AGBL1: variants seen among roughly 807,000 people sequenced by gnomAD.
The protein encoded by AGBL1 is cytosolic carboxypeptidase 4.
In AGBL1, 130 loss-of-function variants were observed where a neutral mutation model predicts 118.9. The observed-to-expected ratio is 1.09, with a 90% CI of 0.95 to 1.26. The LOEUF (loss-of-function observed/expected upper bound fraction) is 1.26, where lower values mean the gene tolerates loss of function less well. Ranked by LOEUF, AGBL1 falls within the 50% of genes most tolerant of loss-of-function variation. AGBL1 has a pLI of 0.00. For synonymous variants in AGBL1, 555 were observed against 478.9 expected (o/e 1.16, Z -2.08); for missense variants, 1,584 against 1,298.1 (o/e 1.22, Z -3.38).
At chr15:86,298,399 T>C (rs1877487638) in intron 17 of AGBL1, among the ~76,000 whole-genome samples, 2 of 147,616 alleles carry the variant, frequency 1.4e-5, no homozygotes, top group African/African-American at 5.0e-5. Context: ...TATGAATATA[T>C]AAACACATGC....
At chr15:86,196,750 T>G (rs2077809625) in intron 5 of AGBL1, among the ~76,000 whole-genome samples, 2 of 152,076 alleles carry the variant, frequency 1.3e-5, no homozygotes, top group South Asian at 4.1e-4. Flanking sequence ...AGGAGTAAAG[T>G]TAAGTGAGGT....
At chr15:86,790,372 G>T (rs931572620) in intron 22 of AGBL1, among the ~76,000 whole-genome samples, 21 of 150,454 alleles carry the variant, frequency 1.4e-4, no homozygotes, top group African/African-American at 5.1e-4. Context: ...ACACACGCAT[G>T]CACGCACGCA....
At chr15:86,958,991 A>G (rs1225247643) in intron 23 of AGBL1, among the ~76,000 whole-genome samples, 2 of 152,150 alleles carry the variant, frequency 1.3e-5, no homozygotes, top group East Asian at 3.9e-4. Context: ...AGAAACAATA[A>G]TATATACTGT....
At chr15:86,480,657 A>G (rs887407768) in intron 18 of AGBL1, among the ~76,000 whole-genome samples, 2 of 152,066 alleles carry the variant, frequency 1.3e-5, no homozygotes, top group Admixed American at 6.6e-5. Context: ...GAATAAATAT[A>G]TATACATATG....
intron 5 of AGBL1, among the ~76,000 whole-genome samples, chr15:86,167,658 G>A (rs571441048): frequency 1.3e-5 from 2 of 152,334 alleles, no homozygotes; most frequent in Non-Finnish European, 2.9e-5. Context: ...GTTTTCCTGT[G>A]GGGTTGTGAG....
At chr15:86,100,158 A>T (rs953760170) in intron 1 of AGBL1, among the ~76,000 whole-genome samples, 2 of 152,108 alleles carry the variant, frequency 1.3e-5, no homozygotes, top group Non-Finnish European at 2.9e-5. Context: ...GTGTATGTTG[A>T]ACCATTCTTG....
intron 22 of AGBL1, among the ~76,000 whole-genome samples, chr15:86,739,958 C>T (rs1050479582): frequency 1.3e-5 from 2 of 152,198 alleles, no homozygotes; most frequent in Non-Finnish European, 2.9e-5. Flanking sequence ...AGTTCGATAA[C>T]ACTCTTAAAT....
At chr15:86,144,087 C>G (rs1317456061) in intron 3 of AGBL1, among the ~76,000 whole-genome samples, 1 of 152,000 alleles carries the variant, frequency 6.6e-6, no homozygotes, top group East Asian at 1.9e-4. Context: ...CTACATGGGG[C>G]ATGGATAATA....
chr15:87,026,069 G>A (rs2081723337), intron 24 of AGBL1, among the ~76,000 whole-genome samples: 1 of 151,856 alleles, frequency 6.6e-6, no homozygotes, highest in African/African-American at 2.4e-5. Context: ...GACAACATAG[G>A]AAAAACCCTT....
At chr15:86,159,778 C>A (rs962862168) in intron 5 of AGBL1, among the ~76,000 whole-genome samples, 1 of 152,076 alleles carries the variant, frequency 6.6e-6, no homozygotes, top group Admixed American at 6.6e-5. Context: ...GTAACATTTC[C>A]ATGCCCAACC....
chr15:86,269,578 C>A (rs2079124392), intron 13 of AGBL1, among the ~76,000 whole-genome samples: 1 of 152,046 alleles, frequency 6.6e-6, no homozygotes, highest in South Asian at 2.1e-4. Flanking sequence ...TTTCAATTAC[C>A]CTGATTTGAT....
At chr15:86,101,181 T>G (rs979028975) in intron 1 of AGBL1, among the ~76,000 whole-genome samples, 1 of 152,146 alleles carries the variant, frequency 6.6e-6, no homozygotes, top group Non-Finnish European at 1.5e-5. Context: ...CAAAGTTCGT[T>G]TGTTATTGAT....
chr15:86,968,873 C>T (rs2081080007), intron 23 of AGBL1, among the ~76,000 whole-genome samples: 1 of 151,880 alleles, frequency 6.6e-6, no homozygotes, highest in South Asian at 2.1e-4. Context: ...AGCTTTCTCA[C>T]ATCGTGGAAG....
At chr15:86,992,454 C>T (rs1338359222) in intron 24 of AGBL1, among the ~76,000 whole-genome samples, 2 of 152,104 alleles carry the variant, frequency 1.3e-5, no homozygotes, top group African/African-American at 4.8e-5. Context: ...TCTAGTAAGC[C>T]ACATACTTTG....
chr15:86,800,327 T>C (rs1313903924), intron 22 of AGBL1, among the ~76,000 whole-genome samples: 2 of 152,164 alleles, frequency 1.3e-5, no homozygotes, highest in Admixed American at 1.3e-4. Context: ...TTGACTAATT[T>C]ATATTAGGAT....
At chr15:86,492,525 G>T (rs1299818156) in intron 18 of AGBL1, among the ~76,000 whole-genome samples, 1 of 151,568 alleles carries the variant, frequency 6.6e-6, no homozygotes, top group Admixed American at 6.6e-5. Flanking sequence ...GGGAGGCGGA[G>T]GTTGCAGTGA....
At chr15:86,233,942 T>G (rs2078496582) in intron 6 of AGBL1, among the ~76,000 whole-genome samples, 1 of 152,156 alleles carries the variant, frequency 6.6e-6, no homozygotes, top group Admixed American at 6.5e-5. Context: ...GCACCCATTC[T>G]GGGTCCAACA....
intron 22 of AGBL1, among the ~76,000 whole-genome samples, chr15:86,790,298 A>G (rs531137017): frequency 5.9e-5 from 9 of 152,040 alleles, no homozygotes; most frequent in Admixed American, 2.0e-4. Flanking sequence ...TATTAACTTC[A>G]CCAGCTGAAT....
intron 22 of AGBL1, among the ~76,000 whole-genome samples, chr15:86,846,263 A>C (rs1299396921): frequency 6.6e-6 from 1 of 152,160 alleles, no homozygotes; most frequent in Non-Finnish European, 1.5e-5. Context: ...TTTGAAGGAT[A>C]GTGTTCCTGG....
Sources: gnomAD v4.1 joint callset for allele counts (sites outside exome capture counted in the v4.1 genomes callset) on GRCh38, gnomAD v4.1.1 for gene constraint, MANE v1.5 for transcripts, NCBI Gene and HGNC (gene_info 2026-07-23, HGNC 2026-07-21) for gene names.